Variants in ZNF385D observed in about 807,000 individuals in gnomAD.
The protein encoded by ZNF385D is zinc finger protein 385D.
Under a neutral mutation model 35.8 loss-of-function variants are expected in ZNF385D, and 15 were observed. The ratio of observed to expected loss-of-function variants is 0.42; its 90% CI spans 0.28 to 0.64. The LOEUF (loss-of-function observed/expected upper bound fraction) is 0.64. Among genes scored for constraint, ZNF385D ranks in the 30% least tolerant of loss-of-function variants. The probability of loss-of-function intolerance (pLI) is 0.23; values close to 1 mark genes in which losing one functional copy is unlikely to be tolerated. For synonymous variants in ZNF385D, 212 were observed against 186.8 expected (o/e 1.13, Z -1.10); for missense variants, 474 against 494.6 (o/e 0.96, Z 0.39).
chr3:21,972,051 T>G (rs1251652696), intron 3 of ZNF385D, among the ~76,000 whole-genome samples: 1 of 151,968 alleles, frequency 6.6e-6, no homozygotes, highest in African/African-American at 2.4e-5. Flanking sequence ...AAAAATCATT[T>G]AGACAGAAAA....
chr3:21,672,431 C>A (rs546469220), intron 1 of ZNF385D, among the ~76,000 whole-genome samples: 1 of 152,096 alleles, frequency 6.6e-6, no homozygotes, highest in African/African-American at 2.4e-5. Flanking sequence ...CCCATAAGGG[C>A]AAGTTGTCAG....
In ZNF385D at chr3:22,029,988, G is replaced by C. The variant is rs370085177; in HGVS notation, c.325+138829C>G. On this transcript the variant is annotated intron_variant, in intron 3 of 5. Transcript: ENST00000494108. ...GATTAACATTTGAGTCAGTGGGCTG[G>C]GGAAGGCAGACCCACCCTTAATCTG... Among the ~76,000 whole-genome samples, 4 of 151,640 alleles carry C rather than the reference G, an allele frequency of 2.6e-5. No homozygotes were observed. The East Asian group carries it at 7.8e-4, about 30-fold the overall frequency.
rs148846983 is a variant in ZNF385D, at chr3:22,126,116, C to A, written c.325+42701G>T. On this transcript the variant is annotated intron_variant, in intron 3 of 5. Transcript: ENST00000494108. ...TACCCAGGTTTTTGAGGGATTGTATCATGAAGAAATGGTGAATTTTATCAA... is the reference window on the plus strand; with the variant it reads ...TACCCAGGTTTTTGAGGGATTGTATAATGAAGAAATGGTGAATTTTATCAA... 1.9e-3 allele frequency among the ~76,000 whole-genome samples: 290 copies of A among 152,026 alleles called. 3 individuals are homozygous for A. Among genetic ancestry groups the A allele is most frequent in the African/African-American group, 6.7e-3 (280 of 41,500 alleles).
chr3:22,362,573 C>T (rs1696462490), intron 2 of ZNF385D, among the ~76,000 whole-genome samples: 1 of 152,066 alleles, frequency 6.6e-6, no homozygotes, highest in African/African-American at 2.4e-5. Flanking sequence ...ATATCAAAAT[C>T]ATATCTTACA....
intron 1 of ZNF385D, among the ~76,000 whole-genome samples, chr3:21,720,252 G>A (rs981909672): frequency 6.6e-6 from 1 of 152,106 alleles, no homozygotes; most frequent in Non-Finnish European, 1.5e-5. Flanking sequence ...CGTCATCATC[G>A]GGAAACTTGT....
intron 3 of ZNF385D, among the ~76,000 whole-genome samples, chr3:21,543,736 C>CT (rs559530989): frequency 3.3e-5 from 5 of 152,160 alleles, no homozygotes; most frequent in South Asian, 2.1e-4. Flanking sequence ...TTTAAAGTTT[C>CT]TTTTTTTCTT....
chr3:21,988,694 C>G (rs1283013943), intron 3 of ZNF385D, among the ~76,000 whole-genome samples: 2 of 151,570 alleles, frequency 1.3e-5, no homozygotes, highest in Non-Finnish European at 2.9e-5. Flanking sequence ...TGGTGGGCTC[C>G]ACCCAGTTGG....
intron 3 of ZNF385D, among the ~76,000 whole-genome samples, chr3:21,889,554 A>G (rs186746687): frequency 6.6e-6 from 1 of 152,290 alleles, no homozygotes; most frequent in East Asian, 1.9e-4. Context: ...TATATTAATT[A>G]GAATCAAATA....
chr3:21,926,618 T>C (rs976494781), intron 3 of ZNF385D, among the ~76,000 whole-genome samples: 1 of 152,042 alleles, frequency 6.6e-6, no homozygotes, highest in African/African-American at 2.4e-5. Flanking sequence ...TCTTTATAGA[T>C]TGCTTCCTTA....
intron 3 of ZNF385D, among the ~76,000 whole-genome samples, chr3:22,157,385 C>T (rs577216969): frequency 6.6e-5 from 10 of 152,110 alleles, no homozygotes; most frequent in Non-Finnish European, 1.5e-4. Context: ...TTAGCAGACC[C>T]GTTGTCTTCC....
chr3:21,942,306 C>A (rs776516001), intron 3 of ZNF385D, among the ~76,000 whole-genome samples: 6 of 152,144 alleles, frequency 3.9e-5, no homozygotes, highest in Non-Finnish European at 8.8e-5. Flanking sequence ...GATTTGAATT[C>A]TTTCCCTAAA....
rs569852261 is a variant in ZNF385D at position 21,708,098 on chromosome 3, A to T, written c.22+42797T>A. Among the ~76,000 whole-genome samples, 4 of 152,316 alleles carry T rather than the reference A, an allele frequency of 2.6e-5. No homozygotes were observed. The East Asian group carries it at 7.7e-4, about 29-fold the overall frequency. ...TATCTTCATTTCCTTTTTGCTCCAA[A>T]TCTCCATGACAAGCCAAGTTCTAAT... is the stretch of plus-strand genomic sequence containing the variant. On this transcript the variant is annotated intron_variant, in intron 1 of 7. Transcript: ENST00000281523.
intron 2 of ZNF385D, among the ~76,000 whole-genome samples, chr3:21,649,212 A>G (rs986512564): frequency 2.0e-5 from 3 of 152,154 alleles, no homozygotes; most frequent in African/African-American, 7.2e-5. Context: ...CATATATGAC[A>G]TTATATGTTT....
Position 21,975,741 on chromosome 3 carries a change from A to ATATGTG in ZNF385D, c.325+193075_325+193076insCACATA, listed in dbSNP as rs1305990187. Reference sequence around the variant, plus strand: ...TATATATATATATATATATATATATATATATATATATATACACACACTATG... The same window carrying ATATGTG: ...TATATATATATATATATATATATATATATGTGTATATATATATATACACACACTATG... On this transcript the variant is annotated intron_variant, in intron 3 of 5. Transcript: ENST00000494108. 1.7e-4 allele frequency among the ~76,000 whole-genome samples: 14 copies of ATATGTG among 81,558 alleles called. 1 individual carries two copies. The highest frequency in any genetic ancestry group is 2.8e-4 in the Non-Finnish European group (13 of 46,168). 53.5% of individuals were successfully genotyped at this position (81,558 alleles called of 152,430 possible).
chr3:21,547,617 T>C (rs1183199315), intron 3 of ZNF385D, among the ~76,000 whole-genome samples: 3 of 151,362 alleles, frequency 2.0e-5, no homozygotes, highest in Non-Finnish European at 4.4e-5. Flanking sequence ...TTTGTTTTGT[T>C]TTGTTTTTTT....
Position 22,016,843 on chromosome 3 carries a change from A to G in ZNF385D, c.325+151974T>C, listed in dbSNP as rs368114209. On this transcript the variant is annotated intron_variant, in intron 3 of 5. Coordinates refer to the ZNF385D transcript ENST00000494108. ...CAGTTCAAGCTCCTAGCCTGCCTCTATAAGTGGCAAATTGTAAAACGCTAA... is the reference window on the plus strand; with the variant it reads ...CAGTTCAAGCTCCTAGCCTGCCTCTGTAAGTGGCAAATTGTAAAACGCTAA... Among the ~76,000 whole-genome samples the G allele has an allele frequency of 4.6e-5, 7 of 152,146 alleles. No individual in the cohort carries two copies. The East Asian group carries it at 5.8e-4, about 13-fold the overall frequency.
chr3:22,203,353 TAA>T (rs1400256488), intron 2 of ZNF385D, among the ~76,000 whole-genome samples: 2 of 152,096 alleles, frequency 1.3e-5, no homozygotes, highest in African/African-American at 4.8e-5. Context: ...GCCTGCTGAT[TAA>T]AGAGTCCCTG....
At chr3:22,065,413 A>G (rs545592358) in intron 3 of ZNF385D, among the ~76,000 whole-genome samples, 1 of 152,322 alleles carries the variant, frequency 6.6e-6, no homozygotes, top group African/African-American at 2.4e-5. Flanking sequence ...CTTTTCTAAA[A>G]AACACACAAG....
Position 22,140,712 on chromosome 3 carries a change from C to T in ZNF385D, c.325+28105G>A, listed in dbSNP as rs187311039. On this transcript the variant is annotated intron_variant, in intron 3 of 5. Coordinates refer to the ZNF385D transcript ENST00000494108. ...TTTTTTGAAACATCTGAAATTATTTCAATAAAAAGCTAAAATGCATTGGAA... is the reference window on the plus strand; with the variant it reads ...TTTTTTGAAACATCTGAAATTATTTTAATAAAAAGCTAAAATGCATTGGAA... Among the ~76,000 whole-genome samples the T allele has an allele frequency of 2.4e-3, 370 of 152,126 alleles. 3 individuals carry two copies. Among genetic ancestry groups the T allele is most frequent in the Non-Finnish European group, 3.5e-3 (240 of 67,996 alleles).
Sources: allele counts gnomAD v4.1 joint callset (sites outside exome capture counted in the v4.1 genomes callset), GRCh38; gene constraint gnomAD v4.1.1; transcripts MANE v1.5; gene names NCBI Gene and HGNC (gene_info 2026-07-23, HGNC 2026-07-21).